ZNF236: variants seen among roughly 807,000 people sequenced by gnomAD.
ZNF236 encodes the protein regulated by glucose.
In ZNF236, 50 loss-of-function variants were observed where a neutral mutation model predicts 191.2. The ratio of observed to expected loss-of-function variants is 0.26; its 90% confidence interval spans 0.21 to 0.33. The LOEUF (loss-of-function observed/expected upper bound fraction) is 0.33. Among genes scored for constraint, ZNF236 ranks in the 10% least tolerant of loss-of-function variants. The pLI is 1.00. For missense variants in ZNF236, 1,754 were observed against 2,374.5 expected, an observed-to-expected ratio of 0.74 and a Z score of 5.43; for synonymous variants, 907 against 928.8, an observed-to-expected ratio of 0.98 and a Z score of 0.43.
At chr18:76,855,018 C>T (rs1461937974) in intron 3 of ZNF236, among the ~76,000 whole-genome samples, 2 of 152,174 alleles carry the variant, frequency 1.3e-5, no homozygotes, top group Non-Finnish European at 2.9e-5. Context: ...CTCTGCCTCC[C>T]AGGTTCAAGT....
In ZNF236 at chr18:76,927,776, C is replaced by T. The variant is rs117827751; in HGVS notation, c.4415-151C>T. On this transcript the variant is annotated intron_variant, in intron 24 of 30. Coordinates refer to ENST00000320610, the MANE Select transcript of ZNF236 (RefSeq NM_001306089.2). The surrounding 1 kb of genome is among the most constrained non-coding windows in gnomAD (Gnocchi z 5.4). ...TTCCTCACAAGGCTTTCTTCTTAGA[C>T]GAAGGAATTAGAGATGACTGATGCT... 2.9e-3 allele frequency: 2,405 copies of T among 819,360 alleles called. 6 individuals carry two copies. Among genetic ancestry groups the T allele is most frequent in the Non-Finnish European group, 3.9e-3 (2,131 of 546,248 alleles). 50.8% of individuals were successfully genotyped at this position (819,360 alleles called of 1,614,324 possible).
chr18:76,903,112 G>T (rs1305683080), intron 11 of ZNF236, among the ~76,000 whole-genome samples: 1 of 152,210 alleles, frequency 6.6e-6, no homozygotes, highest in Non-Finnish European at 1.5e-5. Context: ...ATAAGGTTCT[G>T]ATGCAAGCTT....
At chr18:76,864,861 T>C (rs932907268) in intron 3 of ZNF236, among the ~76,000 whole-genome samples, 4 of 151,882 alleles carry the variant, frequency 2.6e-5, no homozygotes, top group Admixed American at 6.6e-5. Context: ...AAGAATGCCA[T>C]ACAAAGCAAT....
At chr18:76,941,554 C>A (rs1968132900) in intron 26 of ZNF236, among the ~76,000 whole-genome samples, 1 of 152,206 alleles carries the variant, frequency 6.6e-6, no homozygotes, top group African/African-American at 2.4e-5. Context: ...TGCAGCCACA[C>A]ACCCTGCCAT....
Position 76,959,978 on chromosome 18 carries a change from G to A in ZNF236, c.5242+162G>A, listed in dbSNP as rs201246946. On this transcript the variant is annotated intron_variant, in intron 29 of 30. Transcript: ENST00000320610. The stretch of plus-strand genomic sequence containing the variant: ...TCTCCTGAGTTTTGACCTATTTATT[G>A]TCATAACTAACTTTTCACATGGAAG... Among the ~76,000 whole-genome samples the A allele has an allele frequency of 3.6e-4, 55 of 152,184 alleles. No individual in the cohort carries two copies. The East Asian group carries it at 8.7e-3, about 24-fold the overall frequency.
chr18:76,921,319 C>T (rs193182871), intron 20 of ZNF236, among the ~76,000 whole-genome samples: 202 of 152,292 alleles, frequency 1.3e-3, no homozygotes, highest in African/African-American at 4.7e-3. Flanking sequence ...AGCGAGCTCT[C>T]GTTGAGCCAT....
intron 10 of ZNF236, among the ~76,000 whole-genome samples, chr18:76,896,407 A>C (rs796147749): frequency 6.7e-6 from 1 of 148,578 alleles, no homozygotes; most frequent in Non-Finnish European, 1.5e-5. Context: ...AGTACCAAAC[A>C]CAGTACTACA....
At chr18:76,962,609 T>C (rs777700962) in intron 30 of ZNF236, among the ~76,000 whole-genome samples, 4 of 152,224 alleles carry the variant, frequency 2.6e-5, no homozygotes, top group Non-Finnish European at 4.4e-5. Context: ...TGTTGGTATT[T>C]TGATGGGAAT....
At chr18:76,922,215 G>A (rs1967555991) in intron 20 of ZNF236, among the ~76,000 whole-genome samples, 1 of 152,168 alleles carries the variant, frequency 6.6e-6, no homozygotes, top group African/African-American at 2.4e-5. Context: ...CTTGGTGACT[G>A]GCAGGGCGCT....
chr18:76,912,470 A>G, intron 17 of ZNF236, 123 bp downstream of exon 17: 1 of 619,262 alleles, frequency 1.6e-6, no homozygotes, highest in Non-Finnish European at 2.8e-6. Context: ...AAACAGTTCC[A>G]TTGTCATCCA....
intron 25 of ZNF236, among the ~76,000 whole-genome samples, chr18:76,931,999 A>G (rs1967865910): frequency 6.6e-6 from 1 of 152,250 alleles, no homozygotes; most frequent in Non-Finnish European, 1.5e-5. Flanking sequence ...ATTCCATAAA[A>G]GATTATAGTG....
rs539316287 is a variant in ZNF236 at position 76,941,137 on chromosome 18, G to A, written c.4782+3794G>A. Among the ~76,000 whole-genome samples the A allele has an allele frequency of 1.7e-3, 252 of 152,322 alleles. 4 individuals carry two copies. Among genetic ancestry groups the A allele is most frequent in the Non-Finnish European group, 1.2e-3 (85 of 68,032 alleles). On this transcript the variant is annotated intron_variant, in intron 26 of 30. Transcript: ENST00000320610. The stretch of plus-strand genomic sequence containing the variant: ...TCCAAAAAGGGTGGGGACTGCTGGT[G>A]TAGTGCACAAGGGTCACCCAGGAGC...
At position 76,937,283 on chromosome 18, in the gene ZNF236, C is replaced by T. The variant is rs776242743; in HGVS notation, c.4722C>T (p.Ala1574=). The T allele has an allele frequency of 4.3e-6, 7 of 1,614,046 alleles. No individual in the cohort carries two copies. The highest frequency in any genetic ancestry group is 1.7e-5 in the Admixed American group (1 of 60,022). The stretch of plus-strand genomic sequence containing the variant: ...ACGCTAGTGTCACGCTGACGCTGGC[C>T]GATACTCAGGGTATGCTATCTGGAG... ...GGDASVTLTL[A]DTQGMLSGGL... is the part of the protein sequence containing the mutation. Residue 1574 remains alanine (A), a synonymous_variant, in exon 26 of 31, where the codon GCC becomes GCT. Transcript: ENST00000320610.
In ZNF236 at chr18:76,915,696, T is replaced by C. The variant is rs762127469; in HGVS notation, c.3111T>C (p.Asn1037=). ...TGTGCAATGCTTCCTTCACCACCAA[T>C]GGCAGCCTCACCCGGCACATGGCCA... The part of the protein sequence containing the change: ...CSVCNASFTT[N]GSLTRHMATH... Residue 1037 remains asparagine, a synonymous_variant, in exon 19 of 31, where the codon AAT becomes AAC. Transcript: ENST00000320610. 3.1e-6 allele frequency: 5 copies of C among 1,612,776 alleles called. No individual in the cohort carries two copies. The South Asian group carries it at 5.5e-5, about 18-fold the overall frequency.
chr18:76,861,147 A>T (rs1303289344), intron 3 of ZNF236, among the ~76,000 whole-genome samples: 1 of 152,188 alleles, frequency 6.6e-6, no homozygotes. Flanking sequence ...TGTTGGCAAT[A>T]TGTTGGCTCT....
intron 1 of ZNF236, chr18:76,824,078 C>T (rs1974948985): frequency 3.8e-6 from 2 of 523,086 alleles, no homozygotes; most frequent in African/African-American, 3.8e-5. Flanking sequence ...CTCAAGTGTT[C>T]CCCTTTTCTT....
chr18:76,870,132 GTTTA>G (rs1976539089), intron 4 of ZNF236, among the ~76,000 whole-genome samples: 1 of 152,146 alleles, frequency 6.6e-6, no homozygotes, highest in Admixed American at 6.5e-5. Flanking sequence ...AGACTCTAAT[GTTTA>G]TTTAGCCTCT....
intron 1 of ZNF236, among the ~76,000 whole-genome samples, chr18:76,828,272 T>C (rs1443927399): frequency 6.6e-6 from 1 of 151,976 alleles, no homozygotes; most frequent in Non-Finnish European, 1.5e-5. Context: ...GTTCAAGTGA[T>C]TCTCCCACCT....
rs547944159 is a variant in ZNF236 at position 76,889,682 on chromosome 18, T to A, written c.1418-5331T>A. On this transcript the variant is annotated intron_variant, in intron 9 of 30. Coordinates refer to ENST00000320610, the MANE Select transcript of ZNF236 (RefSeq NM_001306089.2). ...GGTGGTAGCTGACCAATAATAAGTG[T>A]TTAATGAATATATATGTTTTTAAAT... 4.6e-5 allele frequency among the ~76,000 whole-genome samples: 7 copies of A among 152,302 alleles called. 1 individual carries two copies. Among genetic ancestry groups the A allele is most frequent in the African/African-American group, 1.7e-4 (7 of 41,566 alleles).
Sources: allele counts gnomAD v4.1 joint callset (sites outside exome capture counted in the v4.1 genomes callset), GRCh38; gene constraint gnomAD v4.1.1; non-coding constraint Gnocchi (gnomAD v3.1); transcripts MANE v1.5; gene names NCBI Gene and HGNC (gene_info 2026-07-23, HGNC 2026-07-21).